UNC93A: variants seen among roughly 807,000 people sequenced by gnomAD.
UNC93A encodes the protein unc-93 homolog A.
Under a neutral mutation model 47.5 loss-of-function variants are expected in UNC93A, and 43 were observed. The observed-to-expected ratio is 0.91, with a 90% CI of 0.71 to 1.17. UNC93A has a LOEUF of 1.17. UNC93A is among the 50% of genes most tolerant of loss of function. The pLI is 0.00. For synonymous variants in UNC93A, 280 were observed against 258.0 expected (o/e 1.09, Z -0.82); for missense variants, 605 against 577.6 (o/e 1.05, Z -0.49).
chr6:167,302,681 G>C (rs1433124865), intron 4 of UNC93A, among the ~76,000 whole-genome samples: 2 of 152,168 alleles, frequency 1.3e-5, no homozygotes, highest in Non-Finnish European at 2.9e-5. Flanking sequence ...GGAATTATGA[G>C]AAAGTACAGG....
At chr6:167,287,637 G>A (rs981794353), upstream of UNC93A, among the ~76,000 whole-genome samples, 25 of 152,094 alleles carry the variant, frequency 1.6e-4, no homozygotes, top group Admixed American at 7.9e-4. Flanking sequence ...AGGCTGCAGA[G>A]GGCTCATGGG....
chr6:167,304,035 A>C lies in UNC93A; in HGVS notation c.742A>C (p.Thr248Pro), dbSNP rs1488408929. The C allele has an allele frequency of 6.2e-7, 1 of 1,613,854 alleles. No homozygotes were observed. The highest frequency in any genetic ancestry group is 1.7e-5 in the Admixed American group (1 of 59,948). Residue 248 changes from threonine (T) to proline (P), a missense_variant, in exon 5 of 8, where the codon ACT (threonine) becomes CCT (proline). Physicochemically the swap from Thr to Pro is conservative, Grantham distance 38. Coordinates refer to ENST00000230256, the MANE Select transcript of UNC93A (RefSeq NM_018974.4). ...SVPFWSTLLS[T>P]FKLYRDKRLC... ...ACCTTTCTGGTCCACTTTACTGTCG[A>C]CTTTCAAGCTATATAGAGATAAACG... is the stretch of plus-strand genomic sequence containing the variant.
At chr6:167,300,014 G>C (rs73264852) in intron 4 of UNC93A, among the ~76,000 whole-genome samples, 2,998 of 152,248 alleles carry the variant, frequency 0.02, 111 homozygotes, top group African/African-American at 0.069. Context: ...GAGATGGAGG[G>C]GCTGAGAGAG....
upstream of UNC93A, among the ~76,000 whole-genome samples, chr6:167,288,023 T>C (rs1002643438): frequency 3.3e-5 from 5 of 152,138 alleles, no homozygotes; most frequent in African/African-American, 4.8e-5. Context: ...CACTCACATG[T>C]CCCAGGTGGA....
In UNC93A at chr6:167,295,424, C is replaced by T. The variant is rs184195457; in HGVS notation, c.270-608C>T. On this transcript the variant is annotated intron_variant, in intron 2 of 7. Coordinates refer to ENST00000230256, the MANE Select transcript of UNC93A (RefSeq NM_018974.4). ...CCTCCCTCGTGCTCCTCGCCTCCCT[C>T]GTGATCCTCGGCCTCCCTCGTGCTC... 1.5e-3 allele frequency among the ~76,000 whole-genome samples: 211 copies of T among 140,378 alleles called. 2 individuals carry two copies. Among genetic ancestry groups the T allele is most frequent in the African/African-American group, 5.9e-3 (195 of 32,864 alleles). 92.1% of individuals were successfully genotyped at this position (140,378 alleles called of 152,430 possible). A position where few individuals can be genotyped will look rare whatever the true frequency, so the allele number is the denominator to read the frequency against.
intron 7 of UNC93A, among the ~76,000 whole-genome samples, chr6:167,309,200 A>G (rs531173845): frequency 7.9e-5 from 12 of 152,210 alleles, no homozygotes; most frequent in Non-Finnish European, 1.3e-4. Flanking sequence ...CACTCATGCC[A>G]GGCTCTGCTG....
At chr6:167,281,068 A>G (rs1583061957) in intron 1 of UNC93A, among the ~76,000 whole-genome samples, 2 of 152,116 alleles carry the variant, frequency 1.3e-5, no homozygotes, top group African/African-American at 4.8e-5. Flanking sequence ...TCCCACCAAG[A>G]GGAGCCTCAG....
chr6:167,276,401 T>G (rs187766055), intron 1 of UNC93A, among the ~76,000 whole-genome samples: 2 of 152,170 alleles, frequency 1.3e-5, no homozygotes, highest in Non-Finnish European at 1.5e-5. Context: ...GTGATTCTAT[T>G]TGTGGTTTTT....
chr6:167,279,834 AG>A (rs1783602571), intron 1 of UNC93A, among the ~76,000 whole-genome samples: 1 of 152,356 alleles, frequency 6.6e-6, no homozygotes, highest in South Asian at 2.1e-4. Flanking sequence ...GGAGAATAAA[AG>A]AAGTTGGCAT....
At chr6:167,285,029 C>G (rs1440484089) in intron 1 of UNC93A, among the ~76,000 whole-genome samples, 1 of 152,198 alleles carries the variant, frequency 6.6e-6, no homozygotes, top group African/African-American at 2.4e-5. Flanking sequence ...TGATTTTCTC[C>G]TCGGCTGTGC....
At chr6:167,310,814 G>T (rs543659755) in intron 7 of UNC93A, among the ~76,000 whole-genome samples, 1 of 152,238 alleles carries the variant, frequency 6.6e-6, no homozygotes, top group Non-Finnish European at 1.5e-5. Context: ...CTGGGAGGCA[G>T]AGGTTGCAGT....
Position 167,304,101 on chromosome 6 carries a change from C to A in UNC93A, c.808C>A (p.Gln270Lys). 1 of 1,614,174 alleles carries A rather than the reference C, an allele frequency of 6.2e-7. No individual in the cohort carries two copies. Among genetic ancestry groups the A allele is most frequent in the Non-Finnish European group, 8.5e-7 (1 of 1,180,032 alleles). ...TCTGCTGCCGCTGTACAGTGGATTG[C>A]AGCAAGGATTCCTCTCCAGCGAATA... is the stretch of plus-strand genomic sequence containing the variant. ...LILLPLYSGL[Q>K]QGFLSSEYTR... The change falls in exon 5 of 8, where the codon CAG becomes AAG. Residue 270 changes from glutamine to lysine, a missense_variant. Physicochemically the swap from Gln to Lys is moderately conservative, Grantham distance 53. Transcript: ENST00000230256.
At chr6:167,295,624 G>C (rs1289726190) in intron 2 of UNC93A, among the ~76,000 whole-genome samples, 1 of 98,908 alleles carries the variant, frequency 1.0e-5, no homozygotes, top group African/African-American at 5.5e-5. Flanking sequence ...CGCCTCCCTC[G>C]TGCTCCTCGC....
Position 167,285,938 on chromosome 6 carries a change from TTCTCTC to T in UNC93A, c.-51-5483_-51-5478del, listed in dbSNP as rs138265267. ...ATGTCCAGTGAAGAGTTAGTTTTCT[TTCTCTC>T]TCTCTCTCTCTCTCTCTATATATAT... On this transcript the variant is annotated intron_variant, in intron 1 of 3. Coordinates refer to the UNC93A transcript ENST00000503433. Among the ~76,000 whole-genome samples the T allele has an allele frequency of 4.2e-4, 55 of 131,770 alleles. 1 individual carries two copies. Among genetic ancestry groups the T allele is most frequent in the African/African-American group, 1.5e-3 (49 of 33,746 alleles). 86.4% of individuals were successfully genotyped at this position (131,770 alleles called of 152,430 possible). A position where few individuals can be genotyped will look rare whatever the true frequency, so the allele number is the denominator to read the frequency against.
rs141032386 is a variant in UNC93A at position 167,300,997 on chromosome 6, T to C, written c.626-2922T>C. On this transcript the variant is annotated intron_variant, in intron 4 of 7. Transcript: ENST00000230256. Reference sequence around the variant, plus strand: ...CTTGTTGCAATTGTTCAACATTGTCTTTGTAATGGGAAAAAGCCATAGACA... The same window carrying C: ...CTTGTTGCAATTGTTCAACATTGTCCTTGTAATGGGAAAAAGCCATAGACA... 1.5e-3 allele frequency among the ~76,000 whole-genome samples: 236 copies of C among 152,378 alleles called. 1 individual carries two copies. The highest frequency in any genetic ancestry group is 2.4e-3 in the Non-Finnish European group (166 of 68,042).
intron 4 of UNC93A, among the ~76,000 whole-genome samples, chr6:167,303,662 C>T (rs568708135): frequency 2.0e-5 from 3 of 152,020 alleles, no homozygotes; most frequent in Admixed American, 6.6e-5. Context: ...TATTTTATGC[C>T]GGTGAGGACA....
chr6:167,294,338 G>A (rs774718883), intron 1 of UNC93A, among the ~76,000 whole-genome samples, 179 bp from the exon 2 acceptor site: 1 of 152,118 alleles, frequency 6.6e-6, no homozygotes, highest in African/African-American at 2.4e-5. Flanking sequence ...GCTTTATTCC[G>A]AATTCACCTG....
chr6:167,294,281 C>T (rs574674818), intron 1 of UNC93A, among the ~76,000 whole-genome samples: 4 of 152,202 alleles, frequency 2.6e-5, no homozygotes, highest in Admixed American at 2.0e-4. Context: ...CGCAAGCACT[C>T]ACAGGGGTGC....
At chr6:167,292,172 A>G (rs1266138323) in intron 1 of UNC93A, among the ~76,000 whole-genome samples, 1 of 152,214 alleles carries the variant, frequency 6.6e-6, no homozygotes, top group African/African-American at 2.4e-5. Flanking sequence ...CAAGCTGGTT[A>G]CATTTCAAGT....
Sources: allele counts gnomAD v4.1 joint callset (sites outside exome capture counted in the v4.1 genomes callset), GRCh38; gene constraint gnomAD v4.1.1; transcripts MANE v1.5; gene names NCBI Gene and HGNC (gene_info 2026-07-23, HGNC 2026-07-21).